NPY4R: variants seen among roughly 807,000 people sequenced by gnomAD.
The protein encoded by NPY4R is neuropeptide Y receptor Y4, also known as neuropeptide Y receptor type 4.
Under a neutral mutation model 11.9 loss-of-function variants are expected in NPY4R, and 2 were observed. That is an observed-to-expected ratio of 0.17 (90% CI 0.07 to 0.53). The LOEUF (loss-of-function observed/expected upper bound fraction) is 0.53. Among genes scored for constraint, NPY4R ranks in the 20% least tolerant of loss-of-function variants. NPY4R has a pLI of 0.94. For missense variants in NPY4R, 26 were observed against 280.2 expected (o/e 0.09, Z 6.48); for synonymous variants, 8 against 121.7 (o/e 0.07, Z 6.15).
At chr10:46,467,550 G>T, upstream of NPY4R, among the ~76,000 whole-genome samples, 3 of 149,006 alleles carry the variant, frequency 2.0e-5, no homozygotes, top group Admixed American at 2.0e-4. Context: ...TGCCTGAGCA[G>T]CTTTGTCTCC....
chr10:46,468,019 A>T (rs1217514578), upstream of NPY4R, among the ~76,000 whole-genome samples: 1 of 99,106 alleles, frequency 1.0e-5, no homozygotes, highest in Non-Finnish European at 2.1e-5. Flanking sequence ...GCATGTGAAC[A>T]TGCCCTTAGT....
upstream of NPY4R, among the ~76,000 whole-genome samples, chr10:46,468,024 C>G (rs1841104707): frequency 8.5e-6 from 1 of 117,408 alleles, no homozygotes; most frequent in Non-Finnish European, 1.8e-5. Context: ...TGAACATGCC[C>G]TTAGTCCATC....
At chr10:46,468,010 C>T (rs1301241551), upstream of NPY4R, among the ~76,000 whole-genome samples, 80 of 111,934 alleles carry the variant, frequency 7.1e-4, 2 homozygotes, top group Non-Finnish European at 1.2e-3. Context: ...CAGGCAGAAG[C>T]ATGTGAACAT....
upstream of NPY4R, among the ~76,000 whole-genome samples, chr10:46,468,112 G>A (rs1841107540): frequency 7.9e-6 from 1 of 126,444 alleles, no homozygotes; most frequent in African/African-American, 3.2e-5. Context: ...AGAGTGTCTT[G>A]TCTCAGCCAG....
chr10:46,467,816 ACCT>A (rs1457258346), upstream of NPY4R, among the ~76,000 whole-genome samples: 3 of 116,070 alleles, frequency 2.6e-5, no homozygotes, highest in Non-Finnish European at 5.5e-5. Context: ...AGCCACTGTC[ACCT>A]CCTTCTTGCA....
At chr10:46,466,253 TTCTTTCTTTCC>T (rs1841038101), upstream of NPY4R, among the ~76,000 whole-genome samples, 4 of 65,446 alleles carry the variant, frequency 6.1e-5, no homozygotes, top group African/African-American at 1.8e-4. Context: ...CTTTCTTTCT[TTCTTTCTTTCC>T]TTTCTTTCTT....
In NPY4R at chr10:46,462,492, G is replaced by A. The variant is rs199915455; in HGVS notation, c.144C>T (p.Tyr48=). 217 of 1,614,234 alleles carry A rather than the reference G, an allele frequency of 1.3e-4. No individual in the cohort carries two copies. The East Asian group carries it at 3.9e-3, about 29-fold the overall frequency. Residue 48 remains tyrosine, a synonymous_variant, in exon 3 of 3, where the codon TAC becomes TAT. Coordinates refer to ENST00000374312, the MANE Select transcript of NPY4R (RefSeq NM_005972.6). ...VDVMVFIVTS[Y]SIETVVGVLG... ...GGACCCCCACGACAGTCTCAATGCT[G>A]TAGGAAGTGACGATGAAGACCATCA...
upstream of NPY4R, among the ~76,000 whole-genome samples, chr10:46,468,206 G>T (rs1316188155): frequency 2.6e-5 from 3 of 114,684 alleles, no homozygotes; most frequent in African/African-American, 3.9e-5. Context: ...AGAGGGGTAG[G>T]TAGCTCTTCC....
upstream of NPY4R, among the ~76,000 whole-genome samples, chr10:46,466,182 T>TCC (rs1393598447): frequency 7.0e-4 from 3 of 4,270 alleles, no homozygotes; most frequent in Admixed American, 2.7e-3. Flanking sequence ...TGTCTTTCTC[T>TCC]CTTTCTTTCT....
chr10:46,468,018 C>T (rs1841104296), upstream of NPY4R, among the ~76,000 whole-genome samples: 1 of 112,234 alleles, frequency 8.9e-6, no homozygotes, highest in East Asian at 2.4e-4. Flanking sequence ...AGCATGTGAA[C>T]ATGCCCTTAG....
chr10:46,466,231 CT>C (rs1325785573), upstream of NPY4R, among the ~76,000 whole-genome samples: 17 of 68,336 alleles, frequency 2.5e-4, no homozygotes, highest in African/African-American at 7.7e-4. Flanking sequence ...TTCTTTCTTT[CT>C]TTCTTTCTTT....
chr10:46,466,253 TTCTTTCTTTCCTTTC>T (rs1841038151), upstream of NPY4R, among the ~76,000 whole-genome samples: 1 of 65,444 alleles, frequency 1.5e-5, no homozygotes, highest in African/African-American at 8.8e-5. Context: ...CTTTCTTTCT[TTCTTTCTTTCCTTTC>T]TTTCTTTCTT....
chr10:46,466,257 TTCTTTCCTTTCTTTCTTTCTTTCTTTCTC>T (rs1841039775), upstream of NPY4R, among the ~76,000 whole-genome samples: 86 of 63,724 alleles, frequency 1.3e-3, 16 homozygotes, highest in African/African-American at 8.0e-3. Flanking sequence ...CTTTCTTTCT[TTCTTTCCTTTCTTTCTTTCTTTCTTTCTC>T]TCTCTCTCTC....
upstream of NPY4R, among the ~76,000 whole-genome samples, chr10:46,467,454 C>T (rs1310921208): frequency 6.7e-6 from 1 of 149,604 alleles, no homozygotes; most frequent in South Asian, 2.1e-4. Context: ...TGCACCCCAG[C>T]TCCGATGTCC....
At chr10:46,466,283 TCTC>T (rs1214813220), upstream of NPY4R, among the ~76,000 whole-genome samples, 6,387 of 43,134 alleles carry the variant, frequency 0.15, 685 homozygotes, top group Non-Finnish European at 0.19. Flanking sequence ...TTTCTTTCTT[TCTC>T]TCTCTCTCTC....
chr10:46,467,590 TG>T (rs1841089005), upstream of NPY4R, among the ~76,000 whole-genome samples: 1 of 147,376 alleles, frequency 6.8e-6, no homozygotes, highest in Admixed American at 6.8e-5. Flanking sequence ...TCACAGCTCT[TG>T]TCTCCGCCTC....
upstream of NPY4R, among the ~76,000 whole-genome samples, chr10:46,466,142 A>T: frequency 7.2e-6 from 1 of 138,798 alleles, no homozygotes. Context: ...GCCCACCTCA[A>T]CCCTGGATAC....
upstream of NPY4R, among the ~76,000 whole-genome samples, chr10:46,466,232 TTTCTTTC>T: frequency 1.5e-5 from 1 of 68,908 alleles, no homozygotes; most frequent in East Asian, 2.3e-4. Flanking sequence ...TCTTTCTTTC[TTTCTTTC>T]TTTCTTTCTT....
chr10:46,462,386 C>T lies in NPY4R; in HGVS notation c.250G>A (p.Ala84Thr), dbSNP rs1554989827. The change falls in exon 3 of 3, where the codon GCC (alanine) becomes ACC (threonine). Residue 84 changes from alanine (A) to threonine (T), a missense_variant. Coordinates refer to ENST00000374312, the MANE Select transcript of NPY4R (RefSeq NM_005972.6). ...AGGCACATGAGGAAGTCAGAGAAGG[C>T]CAGGTTGGCGATAAGCAGGTTGGTC... Reference protein sequence around the residue: ...NVTNLLIANLAFSDFLMCLLC... With the variant: ...NVTNLLIANLTFSDFLMCLLC... 6.2e-7 allele frequency: 1 copy of T among 1,613,516 alleles called. No individual in the cohort carries two copies. Among genetic ancestry groups the T allele is most frequent in the Non-Finnish European group, 8.5e-7 (1 of 1,179,588 alleles).
Sources: allele counts gnomAD v4.1 joint callset (sites outside exome capture counted in the v4.1 genomes callset), GRCh38; gene constraint gnomAD v4.1.1; transcripts MANE v1.5; gene names NCBI Gene and HGNC (gene_info 2026-07-23, HGNC 2026-07-21).